The following TEX11 variants were observed in gnomAD, a reference collection of about 807,000 sequenced individuals.
TEX11 encodes the protein testis expressed 11, also known as testis-expressed protein 11.
Under a neutral mutation model 84.4 loss-of-function variants are expected in TEX11, and 7 were observed. That is an observed-to-expected ratio of 0.08 (90% CI 0.05 to 0.16). TEX11 has a LOEUF of 0.16. TEX11 is among the 10% of genes least tolerant of loss of function. TEX11 has a pLI of 1.00. For missense variants in TEX11, 551 were observed against 660.5 expected (o/e 0.83, Z 1.82); for synonymous variants, 264 against 222.8 (o/e 1.18, Z -1.64).
intron 28 of TEX11, among the ~76,000 whole-genome samples, chrX:70,539,038 A>ATATATATATATTTTTTTTTT: frequency 2.4e-5 from 1 of 41,255 alleles, no homozygotes; most frequent in African/African-American, 9.2e-5. Flanking sequence ...ATATATATAT[A>ATATATATATATTTTTTTTTT]TTTTTTTTTT....
chrX:70,689,239 T>C (rs1219173890), intron 13 of TEX11, among the ~76,000 whole-genome samples: 2 of 111,163 alleles, frequency 1.8e-5, no homozygotes, highest in African/African-American at 6.5e-5. Flanking sequence ...TACGTTTAAC[T>C]TAATATAGAT....
chrX:70,738,715 A>G (rs189672992), intron 11 of TEX11, among the ~76,000 whole-genome samples: 169 of 112,297 alleles, frequency 1.5e-3, no homozygotes, highest in Non-Finnish European at 2.8e-3. Context: ...CCCATCAATG[A>G]TAGACTGGAT....
At chrX:70,880,534 A>C (rs1372720558) in intron 2 of TEX11, among the ~76,000 whole-genome samples, 1 of 105,559 alleles carries the variant, frequency 9.5e-6, no homozygotes, top group African/African-American at 3.3e-5. Flanking sequence ...TACTCCATGC[A>C]GCATGGGCTA....
chrX:70,878,190 T>TC (rs2091665015), intron 3 of TEX11, among the ~76,000 whole-genome samples: 2 of 100,885 alleles, frequency 2.0e-5, no homozygotes, highest in African/African-American at 3.6e-5. Context: ...TTTTTTTTTT[T>TC]GAGACGGAGT....
At chrX:70,524,921 C>T (rs777427297), downstream of TEX11, among the ~76,000 whole-genome samples, 2 of 112,306 alleles carry the variant, frequency 1.8e-5, no homozygotes, top group African/African-American at 6.4e-5. Context: ...TGCCTGCAAT[C>T]CTAACATTTT....
At chrX:70,692,093 A>T in intron 13 of TEX11, among the ~76,000 whole-genome samples, 1 of 111,701 alleles carries the variant, frequency 9.0e-6, no homozygotes, top group South Asian at 3.8e-4. Context: ...AGGAGTGGCT[A>T]TATTTTTTAT....
At chrX:70,857,231 C>A in intron 5 of TEX11, 1 of 122,669 alleles carries the variant, frequency 8.2e-6, no homozygotes. Flanking sequence ...AGCTATTCAG[C>A]AGAAAAGAAT....
At chrX:70,579,714 A>G (rs996078174) in intron 25 of TEX11, among the ~76,000 whole-genome samples, 1 of 112,105 alleles carries the variant, frequency 8.9e-6, no homozygotes, top group Non-Finnish European at 1.9e-5. Context: ...TCAAAAGAAG[A>G]CACATGAATG....
At chrX:70,821,514 C>T (rs1315709147) in intron 8 of TEX11, among the ~76,000 whole-genome samples, 1 of 111,838 alleles carries the variant, frequency 8.9e-6, no homozygotes, top group Non-Finnish European at 1.9e-5. Context: ...ATGTAGGATG[C>T]GCCAGCTTCC....
At chrX:70,658,436 C>T in intron 16 of TEX11, among the ~76,000 whole-genome samples, 1 of 110,590 alleles carries the variant, frequency 9.0e-6, no homozygotes, top group Non-Finnish European at 1.9e-5. Flanking sequence ...AACAAACAAA[C>T]AAAAAAACCC....
At chrX:70,784,705 A>G (rs2091065942) in intron 9 of TEX11, among the ~76,000 whole-genome samples, 1 of 111,865 alleles carries the variant, frequency 8.9e-6, no homozygotes, top group African/African-American at 3.2e-5. Context: ...GAGCCAAATC[A>G]TGAGTGAACT....
At chrX:70,647,665 C>T (rs1355950782) in intron 17 of TEX11, among the ~76,000 whole-genome samples, 1 of 56,162 alleles carries the variant, frequency 1.8e-5, no homozygotes, top group Non-Finnish European at 3.6e-5. Context: ...GACCTTGCTT[C>T]AAAAAAATAA....
chrX:70,518,455 C>T, the TEX11 span, among the ~76,000 whole-genome samples: 3 of 111,998 alleles, frequency 2.7e-5, no homozygotes, highest in Admixed American at 9.5e-5. Flanking sequence ...CTTAATCCTG[C>T]GTTCTAATTT....
At chrX:70,891,731 T>C (rs1308170006) in intron 2 of TEX11, among the ~76,000 whole-genome samples, 1 of 111,600 alleles carries the variant, frequency 9.0e-6, no homozygotes, top group African/African-American at 3.3e-5. Flanking sequence ...TATGGGACTA[T>C]GTGAAAAGAT....
intron 27 of TEX11, 83 bp downstream of exon 27, chrX:70,553,223 G>C: frequency 1.7e-6 from 1 of 579,127 alleles, no homozygotes; most frequent in Admixed American, 3.9e-5. Flanking sequence ...TTAAAGTTGA[G>C]TCAATTAAGA....
At chrX:70,723,035 G>A (rs2090572637) in intron 12 of TEX11, among the ~76,000 whole-genome samples, 1 of 111,590 alleles carries the variant, frequency 9.0e-6, no homozygotes, top group Non-Finnish European at 1.9e-5. Context: ...TATGGCCATA[G>A]GCAAGTTATG....
At chrX:70,801,411 A>G (rs1374190189) in intron 9 of TEX11, among the ~76,000 whole-genome samples, 1 of 111,367 alleles carries the variant, frequency 9.0e-6, no homozygotes, top group Non-Finnish European at 1.9e-5. Context: ...ATTCTACCTG[A>G]CTGGAAATGT....
intron 4 of TEX11, among the ~76,000 whole-genome samples, chrX:70,865,632 A>G (rs1423387618): frequency 8.9e-6 from 1 of 111,925 alleles, no homozygotes; most frequent in African/African-American, 3.2e-5. Flanking sequence ...AAAATCGACC[A>G]CATAATTGGA....
chrX:70,651,031 A>G (rs1361592164), intron 17 of TEX11, among the ~76,000 whole-genome samples: 1 of 111,112 alleles, frequency 9.0e-6, no homozygotes, highest in African/African-American at 3.3e-5. Flanking sequence ...CTCACCAATC[A>G]CCTCCCAAAT....
Sources: allele counts gnomAD v4.1 joint callset (sites outside exome capture counted in the v4.1 genomes callset), GRCh38; gene constraint gnomAD v4.1.1; transcripts MANE v1.5; gene names NCBI Gene and HGNC (gene_info 2026-07-23, HGNC 2026-07-21).